XKR9: variants seen among roughly 807,000 people sequenced by gnomAD.
XKR9 encodes XK-related protein 9.
A neutral mutation model predicts 32.0 loss-of-function variants in XKR9; 32 were observed. The ratio of observed to expected loss-of-function variants is 1.00; its 90% CI spans 0.76 to 1.34. The LOEUF (loss-of-function observed/expected upper bound fraction) is 1.34, where lower values mean the gene tolerates loss of function less well. Ranked by LOEUF, XKR9 falls within the 40% of genes most tolerant of loss-of-function variation. The pLI is 0.00. For synonymous variants in XKR9, 168 were observed against 143.4 expected, an observed-to-expected ratio of 1.17 and a Z score of -1.22; for missense variants, 546 against 429.7, an observed-to-expected ratio of 1.27 and a Z score of -2.39.
At chr8:70,946,835 C>T in the XKR9 span, among the ~76,000 whole-genome samples, 1 of 152,124 alleles carries the variant, frequency 6.6e-6, no homozygotes, top group Non-Finnish European at 1.5e-5. Flanking sequence ...ACATTCACAA[C>T]TCGTTTTAAT....
At chr8:70,978,323 C>T in the XKR9 span, among the ~76,000 whole-genome samples, 21 of 152,272 alleles carry the variant, frequency 1.4e-4, no homozygotes, top group South Asian at 2.9e-3. Context: ...CAATTTCTCT[C>T]TAGCATCGAT....
the XKR9 span, among the ~76,000 whole-genome samples, chr8:70,846,464 AAAGG>A: frequency 6.6e-6 from 1 of 152,128 alleles, no homozygotes; most frequent in Non-Finnish European, 1.5e-5. Context: ...CAAGAGAAAG[AAAGG>A]AACAAAGATA....
At chr8:71,001,957 T>A in the XKR9 span, among the ~76,000 whole-genome samples, 1 of 152,218 alleles carries the variant, frequency 6.6e-6, no homozygotes, top group Non-Finnish European at 1.5e-5. Context: ...AGAGAATACA[T>A]GAGATCAGCC....
chr8:71,047,071 G>A, the XKR9 span, among the ~76,000 whole-genome samples: 1 of 152,204 alleles, frequency 6.6e-6, no homozygotes, highest in East Asian at 1.9e-4. Flanking sequence ...TAGGATAATT[G>A]CATTGTTCTT....
At chr8:70,916,597 G>A in the XKR9 span, among the ~76,000 whole-genome samples, 1 of 152,030 alleles carries the variant, frequency 6.6e-6, no homozygotes, top group Non-Finnish European at 1.5e-5. Context: ...CTTCAACTTT[G>A]TTTTTCTTCT....
At chr8:71,037,184 T>C in the XKR9 span, among the ~76,000 whole-genome samples, 1 of 152,222 alleles carries the variant, frequency 6.6e-6, no homozygotes, top group African/African-American at 2.4e-5. Context: ...TTAACAATTT[T>C]ATATCTTAAT....
intron 3 of XKR9, among the ~76,000 whole-genome samples, chr8:70,695,161 T>C (rs1172861129): frequency 6.6e-6 from 1 of 150,966 alleles, no homozygotes; most frequent in Non-Finnish European, 1.5e-5. Flanking sequence ...TGATTTGTTT[T>C]TAAAAAAATT....
the XKR9 span, among the ~76,000 whole-genome samples, chr8:71,022,817 G>T: frequency 2.6e-5 from 4 of 152,090 alleles, no homozygotes; most frequent in African/African-American, 7.2e-5. Flanking sequence ...TAGTCTGACT[G>T]AGATATTTCA....
the XKR9 span, among the ~76,000 whole-genome samples, chr8:70,866,552 C>G: frequency 6.6e-6 from 1 of 151,946 alleles, no homozygotes; most frequent in African/African-American, 2.4e-5. Context: ...AAGATTAGTT[C>G]AGAGATTGGT....
At chr8:70,848,764 C>CAA in the XKR9 span, among the ~76,000 whole-genome samples, 1,964 of 116,660 alleles carry the variant, frequency 0.017, 35 homozygotes, top group African/African-American at 0.048. Flanking sequence ...AATGGAATGC[C>CAA]AAAAAAAAAA....
At chr8:70,779,216 TG>T (rs1807578850) in intron 2 of XKR9, among the ~76,000 whole-genome samples, 1 of 152,094 alleles carries the variant, frequency 6.6e-6, no homozygotes, top group Non-Finnish European at 1.5e-5. Flanking sequence ...GATAATCACG[TG>T]GTTTTTTGTC....
At chr8:70,977,603 T>C in the XKR9 span, among the ~76,000 whole-genome samples, 1 of 152,186 alleles carries the variant, frequency 6.6e-6, no homozygotes, top group Non-Finnish European at 1.5e-5. Context: ...TGAGAGACAG[T>C]TTGTTGTGAT....
intron 3 of XKR9, among the ~76,000 whole-genome samples, chr8:70,693,022 T>C (rs529050959): frequency 1.2e-4 from 18 of 152,368 alleles, no homozygotes; most frequent in Non-Finnish European, 2.1e-4. Context: ...GTTCTGTTGA[T>C]GTGATGAATC....
the XKR9 span, among the ~76,000 whole-genome samples, chr8:71,040,137 C>A: frequency 3.3e-5 from 5 of 152,122 alleles, no homozygotes; most frequent in African/African-American, 1.2e-4. Context: ...TATGATGACA[C>A]CAATGTGAGA....
chr8:71,046,558 T>C, the XKR9 span, among the ~76,000 whole-genome samples: 1 of 152,186 alleles, frequency 6.6e-6, no homozygotes, highest in Non-Finnish European at 1.5e-5. Context: ...TATGACAAAA[T>C]TGAGGCTCAT....
chr8:70,764,952 A>G (rs980748479), intron 2 of XKR9, among the ~76,000 whole-genome samples: 6 of 152,174 alleles, frequency 3.9e-5, no homozygotes, highest in Middle Eastern at 3.2e-3. Context: ...ATAGTATTCC[A>G]TGGTGTATAA....
the XKR9 span, among the ~76,000 whole-genome samples, chr8:70,819,507 T>C: frequency 6.6e-6 from 1 of 152,188 alleles, no homozygotes; most frequent in Non-Finnish European, 1.5e-5. Flanking sequence ...AGACTGTTGT[T>C]CTTGGAATTT....
At chr8:70,935,204 T>TACACAC in the XKR9 span, among the ~76,000 whole-genome samples, 103 of 12,212 alleles carry the variant, frequency 8.4e-3, 2 homozygotes, top group Admixed American at 9.2e-3. Context: ...TACATATACA[T>TACACAC]ATATACACAC....
chr8:70,850,582 A>C, the XKR9 span, among the ~76,000 whole-genome samples: 1 of 152,040 alleles, frequency 6.6e-6, no homozygotes, highest in Non-Finnish European at 1.5e-5. Context: ...CATAGAGCTT[A>C]TCCACCACAA....
Sources: allele counts gnomAD v4.1 joint callset (sites outside exome capture counted in the v4.1 genomes callset), GRCh38; gene constraint gnomAD v4.1.1; transcripts MANE v1.5; gene names NCBI Gene and HGNC (gene_info 2026-07-23, HGNC 2026-07-21).